Variants in CCDC187 observed in about 807,000 individuals in gnomAD.
The protein encoded by CCDC187 is coiled-coil domain-containing protein 187.
CCDC187 carries 32 observed loss-of-function variants against 38.0 expected under a neutral mutation model. That is an observed-to-expected ratio of 0.84 (90% CI 0.64 to 1.13). The LOEUF is 1.13. Ranked by LOEUF, CCDC187 falls within the 50% of genes most tolerant of loss-of-function variation. CCDC187 has a pLI of 0.00. For missense variants in CCDC187, 707 were observed against 786.8 expected, an observed-to-expected ratio of 0.90 and a Z score of 1.21; for synonymous variants, 333 against 347.9, an observed-to-expected ratio of 0.96 and a Z score of 0.48.
intron 4 of CCDC187, among the ~76,000 whole-genome samples, chr9:136,293,798 TCACACAGA>T (rs1319097013): frequency 1.3e-5 from 2 of 151,140 alleles, no homozygotes; most frequent in Admixed American, 1.3e-4. Flanking sequence ...TCACACACTT[TCACACAGA>T]CACACATGCT....
intron 4 of CCDC187, among the ~76,000 whole-genome samples, chr9:136,292,644 G>A (rs1831362386): frequency 1.3e-5 from 2 of 152,218 alleles, no homozygotes; most frequent in South Asian, 4.1e-4. Context: ...CGCAGCACAT[G>A]TGAAAGAAAC....
Position 136,254,602 on chromosome 9 carries a change from G to A in CCDC187, c.5226C>T (p.Phe1742=), listed in dbSNP as rs988863067. The change falls in exon 26 of 26, where the codon TTC becomes TTT. Residue 1742 remains phenylalanine, a synonymous_variant. Coordinates refer to ENST00000638797, the MANE Select transcript of CCDC187 (RefSeq NM_001378188.1). ...QSPKAGWLLP[F]PDIPSPRSGS... Reference sequence around the variant, plus strand: ...CTGACCTTGGAGAGGGGATGTCTGGGAAAGGCAGTAGCCAGCCTGCCTTTG... The same window carrying A: ...CTGACCTTGGAGAGGGGATGTCTGGAAAAGGCAGTAGCCAGCCTGCCTTTG... 5.8e-5 allele frequency: 57 copies of A among 985,372 alleles called. No individual in the cohort carries two copies. The highest frequency in any genetic ancestry group is 1.0e-3 in the Middle Eastern group (2 of 1,936). 61.0% of individuals were successfully genotyped at this position (985,372 alleles called of 1,614,324 possible). A position where few individuals can be genotyped will look rare whatever the true frequency, so the allele number is the denominator to read the frequency against.
intron 19 of CCDC187, 52 bp downstream of exon 19, chr9:136,262,259 A>C: frequency 1.0e-6 from 1 of 985,636 alleles, no homozygotes; most frequent in Non-Finnish European, 1.2e-6. Context: ...TTCTCAGGGG[A>C]ACATCAGGGT....
intron 8 of CCDC187, among the ~76,000 whole-genome samples, chr9:136,285,876 C>G (rs1303135912): frequency 6.6e-6 from 1 of 152,210 alleles, no homozygotes. Flanking sequence ...AGAGCTCACA[C>G]ATCCCACAAG....
At position 136,252,603 on chromosome 9, in the gene CCDC187, A is replaced by T; in HGVS notation, c.*991T>A. ...CGGCCGGTCCACCCTGGGAAAGTCC[A>T]GGCCTCTAGGTTCTTACTCCCACGT... On this transcript the variant is annotated 3_prime_UTR_variant, in exon 26 of 26. Transcript: ENST00000638797. 1 of 169,606 alleles carries T rather than the reference A, an allele frequency of 5.9e-6. No homozygotes were observed. Among genetic ancestry groups the T allele is most frequent in the Non-Finnish European group, 1.3e-5 (1 of 77,998 alleles). 10.5% of individuals were successfully genotyped at this position (169,606 alleles called of 1,614,324 possible). A position where few individuals can be genotyped will look rare whatever the true frequency, so the allele number is the denominator to read the frequency against.
In CCDC187 at chr9:136,289,977, C is replaced by T. The variant is rs1669314611; in HGVS notation, c.2204G>A (p.Gly735Asp). The T allele has an allele frequency of 5.1e-6, 2 of 391,928 alleles. No individual in the cohort carries two copies. Among genetic ancestry groups the T allele is most frequent in the South Asian group, 1.3e-4 (1 of 7,758 alleles). The allele number at this position is 391,928 out of a possible 1,614,324, so 24.3% of individuals were successfully genotyped here. A position where few individuals can be genotyped will look rare whatever the true frequency, so the allele number is the denominator to read the frequency against. ...SKVTSGMVLG[G>D]QEAPGSFCLC... ...CACCCACCTGCCTGGGGCTTCCTGG[C>T]CCCCCAGCACCATGCCAGAGGTCAC... The change falls in exon 7 of 26, where the codon GGC (glycine) becomes GAC (aspartate). Residue 735 changes from glycine to aspartate, a missense_variant. Gly to Asp is a moderately conservative substitution (Grantham distance 94). Coordinates refer to ENST00000638797, the MANE Select transcript of CCDC187 (RefSeq NM_001378188.1).
chr9:136,256,421 G>A (rs781979138), intron 23 of CCDC187, 98 bp from the exon 24 acceptor site: 44 of 511,044 alleles, frequency 8.6e-5, no homozygotes, highest in Admixed American at 3.2e-4. Flanking sequence ...CAGCGACCAC[G>A]GTAAAGGAAC....
chr9:136,291,852 T>A (rs1831339535), intron 5 of CCDC187, among the ~76,000 whole-genome samples: 2 of 152,176 alleles, frequency 1.3e-5, no homozygotes. Context: ...TGTGCCTGTG[T>A]CTGGGGAGCC....
At chr9:136,269,689 A>G (rs181417842) in intron 14 of CCDC187, among the ~76,000 whole-genome samples, 1 of 152,290 alleles carries the variant, frequency 6.6e-6, no homozygotes, top group East Asian at 1.9e-4. Context: ...GAATACAAAA[A>G]TATCTAGCAC....
At chr9:136,271,274 C>T (rs35623818) in intron 14 of CCDC187, among the ~76,000 whole-genome samples, 1 of 152,180 alleles carries the variant, frequency 6.6e-6, no homozygotes, top group East Asian at 1.9e-4. Flanking sequence ...ATAATCCCAG[C>T]ACTTTGGGAG....
rs940035197 is a variant in CCDC187 at position 136,263,526 on chromosome 9, G to T, written c.3912+96C>A. 6.6e-6 allele frequency: 6 copies of T among 907,896 alleles called. No individual in the cohort carries two copies. In the East Asian group the frequency reaches 3.6e-4, roughly 54 times the overall value. The allele number at this position is 907,896 out of a possible 1,614,324, so 56.2% of individuals were successfully genotyped here. On this transcript the variant is annotated intron_variant, in intron 18 of 25. Coordinates refer to ENST00000638797, the MANE Select transcript of CCDC187 (RefSeq NM_001378188.1). ...TGGGATTACAGGCGTGAGACACCGCGCCCGGCCCACAGGCATTTTTACAAG... is the reference window on the plus strand; with the variant it reads ...TGGGATTACAGGCGTGAGACACCGCTCCCGGCCCACAGGCATTTTTACAAG...
intron 16 of CCDC187, 127 bp downstream of exon 16, chr9:136,267,257 C>T: frequency 1.7e-6 from 1 of 578,456 alleles, no homozygotes; most frequent in Non-Finnish European, 2.1e-6. Flanking sequence ...TCTTGTTTCT[C>T]AAAACGCTGT....
chr9:136,277,484 G>T (rs1415958360), intron 10 of CCDC187, among the ~76,000 whole-genome samples: 2 of 128,928 alleles, frequency 1.6e-5, no homozygotes, highest in Admixed American at 1.6e-4. Context: ...TGGGTGCTGA[G>T]GGGGTGGGCA....
Position 136,262,341 on chromosome 9 carries a change from TG to T in CCDC187, c.4033del (p.Gln1345ArgfsTer19). The T allele has an allele frequency of 1.0e-6, 1 of 986,910 alleles. No individual in the cohort carries two copies. The highest frequency in any genetic ancestry group is 1.2e-6 in the Non-Finnish European group (1 of 831,128). 61.1% of individuals were successfully genotyped at this position (986,910 alleles called of 1,614,324 possible). The part of the protein sequence containing the change: ...RPSSSTSHRP[Q>X]SSPASSKATR... ...GGCCTTTGAGCTTGCGGGGCTGCTC[TG>T]GGGGCGATGGCTGGTGGAGCTGCTG... On this transcript the variant is annotated frameshift_variant, in exon 19 of 26. Transcript: ENST00000638797. LOFTEE classifies it high-confidence loss of function.
Position 136,255,727 on chromosome 9 carries a change from C to T in CCDC187, c.4623G>A (p.Glu1541=), listed in dbSNP as rs534996979. 5.4e-5 allele frequency: 53 copies of T among 985,450 alleles called. No individual in the cohort carries two copies. In the East Asian group the frequency reaches 5.4e-3, roughly 101 times the overall value. The allele number at this position is 985,450 out of a possible 1,614,324, so 61.0% of individuals were successfully genotyped here. Residue 1541 remains glutamate, a synonymous_variant, in exon 25 of 26, where the codon GAG becomes GAA. Transcript: ENST00000638797. ...ESWRSGEQRT[E]ACQQEVPGIS... ...TGCCGGGGACCTCCTGCTGACAGGC[C>T]TCCGTCCTGCAAGCACATTCGTGGA...
chr9:136,284,746 G>A (rs1831132366), intron 9 of CCDC187, among the ~76,000 whole-genome samples: 1 of 152,012 alleles, frequency 6.6e-6, no homozygotes, highest in Non-Finnish European at 1.5e-5. Context: ...GTTTTTTCAG[G>A]AGAGGAGATC....
chr9:136,275,890 T>C (rs1363528941), intron 12 of CCDC187, among the ~76,000 whole-genome samples: 1 of 152,084 alleles, frequency 6.6e-6, no homozygotes, highest in Non-Finnish European at 1.5e-5. Flanking sequence ...AGCCCAGGGC[T>C]CAGGGGCCTA....
intron 2 of CCDC187, 56 bp from the exon 3 acceptor site, chr9:136,300,374 T>G (rs1179848877): frequency 5.0e-6 from 2 of 398,010 alleles, no homozygotes; most frequent in Admixed American, 8.8e-5. Context: ...GCAAAGAACT[T>G]CCAAGAAAAG....
intron 17 of CCDC187, 57 bp downstream of exon 17, chr9:136,265,899 A>G (rs1830738047): frequency 2.3e-6 from 2 of 852,542 alleles, no homozygotes; most frequent in African/African-American, 1.8e-5. Flanking sequence ...CAAGAAGATG[A>G]CACGACTGCC....
Sources: allele counts gnomAD v4.1 joint callset (sites outside exome capture counted in the v4.1 genomes callset), GRCh38; gene constraint gnomAD v4.1.1; transcripts MANE v1.5; gene names NCBI Gene and HGNC (gene_info 2026-07-23, HGNC 2026-07-21).